The following PRKCQ variants were observed in gnomAD, a reference collection of about 807,000 sequenced individuals.
PRKCQ encodes the protein protein kinase C theta.
In PRKCQ, 41 loss-of-function variants were observed where a neutral mutation model predicts 91.2. That is an observed-to-expected ratio of 0.45 (90% CI 0.35 to 0.58). PRKCQ has a LOEUF of 0.58. Among genes scored for constraint, PRKCQ ranks in the 20% least tolerant of loss-of-function variants. PRKCQ has a pLI of 0.00. For synonymous variants in PRKCQ, 307 were observed against 316.9 expected, an observed-to-expected ratio of 0.97 and a Z score of 0.33; for missense variants, 673 against 896.5, an observed-to-expected ratio of 0.75 and a Z score of 3.18.
At chr10:6,488,442 G>T (rs1223615605) in intron 8 of PRKCQ, among the ~76,000 whole-genome samples, 1 of 149,972 alleles carries the variant, frequency 6.7e-6, no homozygotes, top group South Asian at 2.1e-4. Flanking sequence ...CTGGAGTGCA[G>T]TGGCACGATT....
At chr10:6,502,668 G>A (rs1260147386) in intron 4 of PRKCQ, among the ~76,000 whole-genome samples, 1 of 152,168 alleles carries the variant, frequency 6.6e-6, no homozygotes, top group South Asian at 2.1e-4. Flanking sequence ...TATGGCAGGA[G>A]GTAGTAATGA....
Position 6,445,121 on chromosome 10 carries a change from CAAAAAA to C in PRKCQ, c.1648-3046_1648-3041del, listed in dbSNP as rs61291267. Among the ~76,000 whole-genome samples the C allele has an allele frequency of 1.1e-3, 114 of 105,416 alleles. No individual in the cohort carries two copies. The Middle Eastern group carries it at 0.014, about 13-fold the overall frequency. 69.2% of individuals were successfully genotyped at this position (105,416 alleles called of 152,430 possible). ...CCTAGGTGACAGAGCAAGACTCTGT[CAAAAAA>C]AAAAAAAAAAAAAAAAAAAAAATTC... On this transcript the variant is annotated intron_variant, in intron 15 of 17. Transcript: ENST00000263125.
At chr10:6,475,992 C>T (rs1044017939) in intron 12 of PRKCQ, among the ~76,000 whole-genome samples, 1 of 152,156 alleles carries the variant, frequency 6.6e-6, no homozygotes, top group African/African-American at 2.4e-5. Flanking sequence ...GCTGTGGATG[C>T]ACTTGTGGCT....
chr10:6,401,042 G>T, the PRKCQ span, among the ~76,000 whole-genome samples: 3 of 152,162 alleles, frequency 2.0e-5, no homozygotes, highest in Admixed American at 2.0e-4. Flanking sequence ...ATAGCATGCC[G>T]TTGCAACTTC....
chr10:6,567,094 C>T (rs1204134601), intron 1 of PRKCQ, among the ~76,000 whole-genome samples: 1 of 152,278 alleles, frequency 6.6e-6, no homozygotes, highest in South Asian at 2.1e-4. Flanking sequence ...CTCAGGCTTA[C>T]TCAAGAGACA....
chr10:6,573,706 C>T (rs1239208991), intron 1 of PRKCQ, among the ~76,000 whole-genome samples: 1 of 152,180 alleles, frequency 6.6e-6, no homozygotes, highest in Non-Finnish European at 1.5e-5. Context: ...ATTTAAACCA[C>T]CAGATAGAAA....
At chr10:6,564,522 G>A (rs1395633037) in intron 1 of PRKCQ, among the ~76,000 whole-genome samples, 1 of 151,964 alleles carries the variant, frequency 6.6e-6, no homozygotes, top group East Asian at 1.9e-4. Context: ...TTCCTACTTT[G>A]GGGCCACATA....
chr10:6,548,627 G>A (rs1050682136), intron 1 of PRKCQ, among the ~76,000 whole-genome samples: 10 of 146,676 alleles, frequency 6.8e-5, no homozygotes, highest in South Asian at 6.6e-4. Context: ...GTAAACTATG[G>A]CAAGAACAAA....
chr10:6,476,464 CTG>C (rs1307101251), intron 12 of PRKCQ, among the ~76,000 whole-genome samples: 1 of 152,150 alleles, frequency 6.6e-6, no homozygotes, highest in Non-Finnish European at 1.5e-5. Flanking sequence ...CAATTAACAA[CTG>C]TTAGTTTTTC....
the PRKCQ span, among the ~76,000 whole-genome samples, chr10:6,402,092 A>T: frequency 1.3e-5 from 2 of 152,118 alleles, no homozygotes. Context: ...GCAAACTAAC[A>T]CAAGAACAGA....
chr10:6,428,109 C>G lies in PRKCQ; in HGVS notation c.*98G>C. 6.7e-7 allele frequency: 1 copy of G among 1,488,546 alleles called. No homozygotes were observed. The highest frequency in any genetic ancestry group is 9.3e-7 in the Non-Finnish European group (1 of 1,080,278). The allele number at this position is 1,488,546 out of a possible 1,614,324, so 92.2% of individuals were successfully genotyped here. A position where few individuals can be genotyped will look rare whatever the true frequency, so the allele number is the denominator to read the frequency against. ...TCTCAGTCTTTATTGTTGAGTGTTT[C>G]TTTCTTTTTCCAAGTTGAAAAAGGA... On this transcript the variant is annotated 3_prime_UTR_variant, in exon 18 of 18. Transcript: ENST00000263125.
intron 12 of PRKCQ, among the ~76,000 whole-genome samples, chr10:6,466,477 T>C (rs1835662319): frequency 6.6e-6 from 1 of 152,244 alleles, no homozygotes; most frequent in East Asian, 1.9e-4. Flanking sequence ...TGGAGATTTA[T>C]AGTATGTTGG....
At chr10:6,575,659 C>T (rs1194483416) in intron 1 of PRKCQ, among the ~76,000 whole-genome samples, 2 of 152,170 alleles carry the variant, frequency 1.3e-5, no homozygotes, top group African/African-American at 2.4e-5. Context: ...AGCATCAGCC[C>T]AGAGATCCCT....
At chr10:6,425,832 G>C (rs1028277313), downstream of PRKCQ, among the ~76,000 whole-genome samples, 36 of 152,132 alleles carry the variant, frequency 2.4e-4, no homozygotes, top group African/African-American at 8.4e-4. Context: ...ACCAAATGAT[G>C]AATAGACCTT....
intron 12 of PRKCQ, among the ~76,000 whole-genome samples, chr10:6,466,874 G>A (rs1037354946): frequency 2.0e-5 from 3 of 152,126 alleles, no homozygotes; most frequent in African/African-American, 7.2e-5. Context: ...CAGAGTAATT[G>A]CAAAGAATGT....
At chr10:6,435,840 T>C (rs369052743) in intron 16 of PRKCQ, among the ~76,000 whole-genome samples, 11 of 152,322 alleles carry the variant, frequency 7.2e-5, no homozygotes, top group African/African-American at 2.6e-4. Context: ...TTACTGAGAA[T>C]GGTGGCTCAT....
rs375301750 is a variant in PRKCQ, at chr10:6,573,841, G to A, written c.-10+6370C>T. Among the ~76,000 whole-genome samples the A allele has an allele frequency of 2.8e-4, 43 of 152,336 alleles. No homozygotes were observed. The East Asian group carries it at 7.3e-3, about 26-fold the overall frequency. Reference sequence around the variant, plus strand: ...TTAAAGGCGAAAAGAGCTAGGCCAGGTGTGGTGGCTCATGTCTTTAATCTC... The same window carrying A: ...TTAAAGGCGAAAAGAGCTAGGCCAGATGTGGTGGCTCATGTCTTTAATCTC... On this transcript the variant is annotated intron_variant, in intron 1 of 17. Transcript: ENST00000263125.
At chr10:6,498,600 G>GGAC in intron 4 of PRKCQ, 42 bp from the exon 5 acceptor site, 2 of 1,595,490 alleles carry the variant, frequency 1.3e-6, no homozygotes, top group African/African-American at 2.7e-5. Context: ...TTCTGCAAAA[G>GGAC]GACGACTCCT....
intron 1 of PRKCQ, among the ~76,000 whole-genome samples, chr10:6,560,007 T>C (rs1840566457): frequency 6.6e-6 from 1 of 152,250 alleles, no homozygotes. Flanking sequence ...AAAGTAGGCA[T>C]AGGCTTGACG....
Sources: allele counts gnomAD v4.1 joint callset (sites outside exome capture counted in the v4.1 genomes callset), GRCh38; gene constraint gnomAD v4.1.1; transcripts MANE v1.5; gene names NCBI Gene and HGNC (gene_info 2026-07-23, HGNC 2026-07-21).